The following ADAM22 variants were observed in gnomAD, a reference collection of about 807,000 sequenced individuals.
The protein encoded by ADAM22 is ADAM metallopeptidase domain 22.
Under a neutral mutation model 144.6 loss-of-function variants are expected in ADAM22, and 65 were observed. The observed-to-expected ratio is 0.45, with a 90% CI of 0.37 to 0.55. The LOEUF is 0.55. Ranked by LOEUF, ADAM22 falls within the 20% of genes least tolerant of loss-of-function variation. The probability of loss-of-function intolerance (pLI) is 0.00; values close to 1 mark genes in which losing one functional copy is unlikely to be tolerated. For synonymous variants in ADAM22, 391 were observed against 412.6 expected (o/e 0.95, Z 0.63); for missense variants, 974 against 1,184.9 (o/e 0.82, Z 2.61).
chr7:88,179,483 T>C (rs964176446), intron 27 of ADAM22, among the ~76,000 whole-genome samples: 3 of 152,096 alleles, frequency 2.0e-5, no homozygotes, highest in Admixed American at 6.6e-5. Context: ...TAATTTTATA[T>C]ATATCAAAGC....
At chr7:88,166,916 G>C (rs1379450774) in intron 24 of ADAM22, among the ~76,000 whole-genome samples, 2 of 152,120 alleles carry the variant, frequency 1.3e-5, no homozygotes, top group African/African-American at 2.4e-5. Context: ...AAAAGGAAGG[G>C]GGGGCAGACA....
In ADAM22 at chr7:88,131,266, T is replaced by C; in HGVS notation, c.826-3T>C. On this transcript the variant is annotated splice_region_variant and splice_polypyrimidine_tract_variant and intron_variant, in intron 10 of 31. Transcript: ENST00000413139. Reference sequence around the variant, plus strand: ...TGATGTGTTCATTTTATTAATATACTAGATATATAAAGACCAACTTAAGAC... The same window carrying C: ...TGATGTGTTCATTTTATTAATATACCAGATATATAAAGACCAACTTAAGAC... 6.2e-7 allele frequency: 1 copy of C among 1,611,498 alleles called. No homozygotes were observed. Among genetic ancestry groups the C allele is most frequent in the South Asian group, 1.1e-5 (1 of 90,874 alleles).
chr7:88,057,703 C>A (rs1808655657), intron 3 of ADAM22, among the ~76,000 whole-genome samples: 1 of 152,138 alleles, frequency 6.6e-6, no homozygotes, highest in Non-Finnish European at 1.5e-5. Context: ...ATTAGCTCAT[C>A]AGAAATAATT....
chr7:88,160,398 AG>A (rs1271544692), intron 22 of ADAM22, among the ~76,000 whole-genome samples: 1 of 152,080 alleles, frequency 6.6e-6, no homozygotes, highest in Non-Finnish European at 1.5e-5. Context: ...AACTAGAAAA[AG>A]CTCTTAAAAT....
At chr7:88,195,572 A>G (rs534950914) in intron 31 of ADAM22, among the ~76,000 whole-genome samples, 28 of 152,146 alleles carry the variant, frequency 1.8e-4, no homozygotes, top group African/African-American at 6.5e-4. Flanking sequence ...CTATAGTGCA[A>G]TGTCGCGATC....
At chr7:88,179,266 C>T (rs1846403125) in intron 27 of ADAM22, 137 bp downstream of exon 27, 1 of 439,758 alleles carries the variant, frequency 2.3e-6, no homozygotes, top group South Asian at 2.8e-5. Flanking sequence ...CAAAGCAAAC[C>T]AAACAATAAC....
chr7:88,159,659 A>G (rs1488266640), intron 22 of ADAM22, among the ~76,000 whole-genome samples: 1 of 152,218 alleles, frequency 6.6e-6, no homozygotes, highest in Admixed American at 6.5e-5. Context: ...CAAAAACCAC[A>G]TGATTATCTC....
intron 6 of ADAM22, 116 bp from the exon 7 acceptor site, chr7:88,116,629 C>A: frequency 1.3e-6 from 1 of 778,248 alleles, no homozygotes; most frequent in Non-Finnish European, 2.2e-6. Flanking sequence ...CCTCTCTAAA[C>A]CCAGGAGAAT....
chr7:87,947,589 T>C (rs113792748), intron 2 of ADAM22, among the ~76,000 whole-genome samples: 2 of 152,294 alleles, frequency 1.3e-5, no homozygotes, highest in African/African-American at 4.8e-5. Flanking sequence ...ATTTAATTTC[T>C]GAGACAAGTT....
At chr7:88,120,326 C>T (rs747658943) in intron 7 of ADAM22, among the ~76,000 whole-genome samples, 1 of 152,036 alleles carries the variant, frequency 6.6e-6, no homozygotes, top group African/African-American at 2.4e-5. Context: ...ATCCCTCCCC[C>T]CTTCCCCCAC....
chr7:87,956,922 G>C (rs933268073), intron 2 of ADAM22, among the ~76,000 whole-genome samples: 11 of 152,194 alleles, frequency 7.2e-5, no homozygotes, highest in Non-Finnish European at 1.6e-4. Flanking sequence ...ACACACACAT[G>C]AAAGTATCGT....
intron 3 of ADAM22, among the ~76,000 whole-genome samples, chr7:88,038,589 G>A (rs1209703210): frequency 6.6e-6 from 1 of 151,332 alleles, no homozygotes; most frequent in African/African-American, 2.4e-5. Context: ...CGTGTAGCTG[G>A]GACTACAGGC....
chr7:88,081,933 A>G (rs2129483099), intron 4 of ADAM22, among the ~76,000 whole-genome samples: 1 of 151,976 alleles, frequency 6.6e-6, no homozygotes, highest in African/African-American at 2.4e-5. Flanking sequence ...TATAGATTCG[A>G]TGCCATCCCC....
At chr7:88,172,376 A>G (rs1167410587) in intron 26 of ADAM22, among the ~76,000 whole-genome samples, 1 of 151,892 alleles carries the variant, frequency 6.6e-6, no homozygotes, top group Non-Finnish European at 1.5e-5. Context: ...TTATCCTGGA[A>G]ACTGATAACC....
chr7:87,977,897 GA>G (rs771407010), intron 2 of ADAM22, among the ~76,000 whole-genome samples: 1 of 152,094 alleles, frequency 6.6e-6, no homozygotes, highest in African/African-American at 2.4e-5. Context: ...TGTGATAAGC[GA>G]AAAAGGATTT....
intron 3 of ADAM22, among the ~76,000 whole-genome samples, chr7:88,048,661 T>C (rs1805348925): frequency 6.6e-6 from 1 of 152,164 alleles, no homozygotes. Flanking sequence ...AATGTTCACC[T>C]TTTCTTATTA....
At chr7:87,985,505 C>G (rs1221175556) in intron 3 of ADAM22, among the ~76,000 whole-genome samples, 1 of 152,094 alleles carries the variant, frequency 6.6e-6, no homozygotes, top group Non-Finnish European at 1.5e-5. Flanking sequence ...CAGCCCAATG[C>G]AATCACTAAT....
chr7:88,145,284 T>C (rs1836042593), intron 16 of ADAM22, 88 bp downstream of exon 16: 1 of 1,507,994 alleles, frequency 6.6e-7, no homozygotes, highest in Admixed American at 1.8e-5. Flanking sequence ...GCAAATGTCA[T>C]GCCTGGAATT....
intron 2 of ADAM22, among the ~76,000 whole-genome samples, chr7:87,973,083 TG>T (rs1850884718): frequency 6.6e-6 from 1 of 152,128 alleles, no homozygotes; most frequent in Non-Finnish European, 1.5e-5. Context: ...AAGCCAAAAT[TG>T]ACAAATCGGA....
Sources: gnomAD v4.1 joint callset for allele counts (sites outside exome capture counted in the v4.1 genomes callset) on GRCh38, gnomAD v4.1.1 for gene constraint, MANE v1.5 for transcripts, NCBI Gene and HGNC (gene_info 2026-07-23, HGNC 2026-07-21) for gene names.